SLC24A2: variants seen among roughly 807,000 people sequenced by gnomAD.
SLC24A2 encodes the protein solute carrier family 24 member 2, also known as sodium/potassium/calcium exchanger 2.
Under a neutral mutation model 62.0 loss-of-function variants are expected in SLC24A2, and 36 were observed. The observed-to-expected ratio is 0.58, with a 90% CI of 0.44 to 0.77. SLC24A2 has a LOEUF of 0.77. SLC24A2 is among the 30% of genes least tolerant of loss of function. The probability of loss-of-function intolerance (pLI) is 0.00; values close to 1 mark genes in which losing one functional copy is unlikely to be tolerated. For synonymous variants in SLC24A2, 358 were observed against 294.0 expected (o/e 1.22, Z -2.23); for missense variants, 846 against 817.9 (o/e 1.03, Z -0.42).
At chr9:20,016,248 G>A in the SLC24A2 span, among the ~76,000 whole-genome samples, 1 of 152,086 alleles carries the variant, frequency 6.6e-6, no homozygotes, top group Non-Finnish European at 1.5e-5. Context: ...AGAACTCAGA[G>A]TCCTTTCATG....
At chr9:20,224,505 T>C in the SLC24A2 span, among the ~76,000 whole-genome samples, 4 of 152,112 alleles carry the variant, frequency 2.6e-5, no homozygotes, top group African/African-American at 7.2e-5. Flanking sequence ...GCAGAAAAAA[T>C]AGATTGATTA....
chr9:20,055,868 G>A, the SLC24A2 span, among the ~76,000 whole-genome samples: 1 of 151,998 alleles, frequency 6.6e-6, no homozygotes, highest in Non-Finnish European at 1.5e-5. Context: ...CAGCCTGGGT[G>A]ACAGAGTGAG....
the SLC24A2 span, among the ~76,000 whole-genome samples, chr9:19,838,792 A>C: frequency 0.7 from 104,353 of 149,786 alleles, 40,579 homozygotes; most frequent in Non-Finnish European, 0.88. Flanking sequence ...AAACCCTAGA[A>C]GAAAACCTAG....
intron 2 of SLC24A2, among the ~76,000 whole-genome samples, chr9:19,647,321 A>T (rs1029382493): frequency 2.0e-5 from 3 of 152,210 alleles, no homozygotes; most frequent in African/African-American, 7.2e-5. Context: ...TCTAAATCTC[A>T]GAGAACTTAG....
chr9:19,949,115 T>C, the SLC24A2 span, among the ~76,000 whole-genome samples: 1 of 152,048 alleles, frequency 6.6e-6, no homozygotes, highest in Non-Finnish European at 1.5e-5. Context: ...TGCCTCAGCC[T>C]CCTGAGAAGC....
chr9:19,910,794 G>A, the SLC24A2 span, among the ~76,000 whole-genome samples: 1 of 151,968 alleles, frequency 6.6e-6, no homozygotes, highest in African/African-American at 2.4e-5. Context: ...TTCCTGGAGG[G>A]AAGAATTGTT....
chr9:19,800,110 C>T, the SLC24A2 span, among the ~76,000 whole-genome samples: 4 of 152,018 alleles, frequency 2.6e-5, no homozygotes, highest in African/African-American at 4.8e-5. Context: ...AGACACCAGT[C>T]ATTGGATTTA....
the SLC24A2 span, among the ~76,000 whole-genome samples, chr9:19,881,938 A>AT: frequency 6.6e-6 from 1 of 152,138 alleles, no homozygotes; most frequent in Non-Finnish European, 1.5e-5. Context: ...CATGTTATTA[A>AT]TTTTTTTCAC....
chr9:19,823,680 T>G, the SLC24A2 span, among the ~76,000 whole-genome samples: 3 of 150,832 alleles, frequency 2.0e-5, no homozygotes, highest in Admixed American at 2.0e-4. Context: ...AGATCAGGAG[T>G]GTTGAGAGTG....
intron 2 of SLC24A2, among the ~76,000 whole-genome samples, chr9:19,718,546 A>T (rs1467050508): frequency 1.3e-5 from 2 of 149,484 alleles, no homozygotes; most frequent in East Asian, 2.0e-4. Context: ...CCTGAGCTCA[A>T]GCAATTGGCC....
At chr9:19,933,794 A>G in the SLC24A2 span, among the ~76,000 whole-genome samples, 7 of 152,364 alleles carry the variant, frequency 4.6e-5, no homozygotes, top group Non-Finnish European at 8.8e-5. Flanking sequence ...CACAATACAA[A>G]GGAATAAAGT....
intron 2 of SLC24A2, among the ~76,000 whole-genome samples, chr9:19,642,815 G>T (rs1587084061): frequency 1.3e-5 from 2 of 150,478 alleles, no homozygotes; most frequent in African/African-American, 4.9e-5. Context: ...CGAGTAGCTG[G>T]GACTACAGGC....
the SLC24A2 span, among the ~76,000 whole-genome samples, chr9:20,108,622 C>G: frequency 9.7e-4 from 147 of 150,814 alleles, no homozygotes; most frequent in South Asian, 2.5e-3. Context: ...ACTGCATATT[C>G]TCACTCATAG....
At chr9:19,702,093 T>A (rs1325846474) in intron 2 of SLC24A2, among the ~76,000 whole-genome samples, 1 of 152,318 alleles carries the variant, frequency 6.6e-6, no homozygotes, top group South Asian at 2.1e-4. Flanking sequence ...AAAGACAGAA[T>A]TAATAAAACT....
chr9:20,250,928 T>G, the SLC24A2 span, among the ~76,000 whole-genome samples: 1 of 152,136 alleles, frequency 6.6e-6, no homozygotes, highest in African/African-American at 2.4e-5. Context: ...GCCTGATTCC[T>G]CGAAGCGCAC....
chr9:19,978,059 G>A, the SLC24A2 span, among the ~76,000 whole-genome samples: 86 of 152,266 alleles, frequency 5.6e-4, 2 homozygotes, highest in African/African-American at 1.9e-3. Context: ...GGGATAAATA[G>A]ATGGGTGTTC....
At chr9:20,007,879 CTTTTTTTTTTTTTTTT>C in the SLC24A2 span, among the ~76,000 whole-genome samples, 175 of 39,538 alleles carry the variant, frequency 4.4e-3, 1 homozygote, top group Non-Finnish European at 6.9e-3. Flanking sequence ...TTACTCCTCT[CTTTTTTTTTTTTTTTT>C]TTTTTTTTTT....
In SLC24A2 at chr9:19,526,055, T is replaced by C. The variant is rs181567003; in HGVS notation, c.1569+1994A>G. ...ACTATTAATATTAACCTATTATATG[T>C]CTCTATAGATTTGCCTGTTCTGTAT... On this transcript the variant is annotated intron_variant, in intron 9 of 10. Transcript: ENST00000341998. Among the ~76,000 whole-genome samples the C allele has an allele frequency of 2.0e-4, 30 of 152,272 alleles. No individual in the cohort carries two copies. The East Asian group carries it at 2.9e-3, about 15-fold the overall frequency.
chr9:20,228,261 A>C, the SLC24A2 span, among the ~76,000 whole-genome samples: 1 of 152,136 alleles, frequency 6.6e-6, no homozygotes. Flanking sequence ...GTTTCCAAGA[A>C]TCAGGGCTCA....
Sources: allele counts gnomAD v4.1 joint callset (sites outside exome capture counted in the v4.1 genomes callset), GRCh38; gene constraint gnomAD v4.1.1; transcripts MANE v1.5; gene names NCBI Gene and HGNC (gene_info 2026-07-23, HGNC 2026-07-21).